The following RNPS1 variants were observed in gnomAD, a reference collection of about 807,000 sequenced individuals.
The protein encoded by RNPS1 is RNA binding protein with serine rich domain 1.
For missense variants in RNPS1, 300 were observed against 427.6 expected (o/e 0.70, Z 2.63); for synonymous variants, 147 against 150.0 (o/e 0.98, Z 0.15).
chr16:2,254,931 A>T (rs1330771324), intron 7 of RNPS1, among the ~76,000 whole-genome samples: 1 of 151,456 alleles, frequency 6.6e-6, no homozygotes, highest in East Asian at 2.0e-4. Context: ...TTTAGTAGAG[A>T]CAAGGTTTCA....
rs2093618238 is a variant in RNPS1 at position 2,264,756 on chromosome 16, G to A, written c.-113C>T. ...AATCGATTGCAATTTACGCCAAAGA[G>A]CAGCCTAATAACAAGATAAAAGGGT... On this transcript the variant is annotated 5_prime_UTR_variant, in exon 2 of 8. Transcript: ENST00000320225. 1.9e-6 allele frequency: 3 copies of A among 1,554,394 alleles called. No individual in the cohort carries two copies. Among genetic ancestry groups the A allele is most frequent in the Non-Finnish European group, 2.6e-6 (3 of 1,158,174 alleles).
chr16:2,255,251 C>T (rs534743295), intron 7 of RNPS1, among the ~76,000 whole-genome samples: 29 of 152,220 alleles, frequency 1.9e-4, no homozygotes, highest in Non-Finnish European at 2.2e-4. Context: ...ACTCTTCTGA[C>T]CCCCAACTTC....
chr16:2,257,623 GCTCAGCAAGCA>G (rs1567322449), intron 6 of RNPS1: 1 of 152,046 alleles, frequency 6.6e-6, no homozygotes, highest in African/African-American at 2.4e-5. Context: ...TGGGTTTTTA[GCTCAGCAAGCA>G]CTCAGACTGT....
rs775852396 is a variant in RNPS1 at position 2,264,349 on chromosome 16, G to A, written c.72-18C>T. ...AAGGAGCCCTGGATGGTGAGGAAGA[G>A]TGTGAGATTGCGTGCTCCTCTGACC... On this transcript the variant is annotated intron_variant, in intron 2 of 7. Transcript: ENST00000320225. 5 of 1,614,104 alleles carry A rather than the reference G, an allele frequency of 3.1e-6. No homozygotes were observed. In the Admixed American group the frequency reaches 6.7e-5, roughly 22 times the overall value.
rs546961734 is a variant in RNPS1 at position 2,254,450 on chromosome 16, C to T, written c.819-387G>A. ...CTGGGACTACAGGCACACGCCACCA[C>T]GCACAGCTAATTTTGTTTTGTTTTT... is the stretch of plus-strand genomic sequence containing the variant. On this transcript the variant is annotated intron_variant, in intron 7 of 7. Coordinates refer to ENST00000320225, the MANE Select transcript of RNPS1 (RefSeq NM_080594.4). Among the ~76,000 whole-genome samples the T allele has an allele frequency of 4.6e-5, 7 of 152,264 alleles. No individual in the cohort carries two copies. In the South Asian group the frequency reaches 1.2e-3, roughly 27 times the overall value.
chr16:2,262,476 T>C (rs372075001), intron 5 of RNPS1, 45 bp from the exon 6 acceptor site: 7 of 1,608,048 alleles, frequency 4.4e-6, no homozygotes, highest in Non-Finnish European at 4.3e-6. Context: ...TACCAGTCAG[T>C]CACGTCAGAC....
In RNPS1 at chr16:2,261,253, C is replaced by T. The variant is rs148853698; in HGVS notation, c.676+1025G>A. Reference sequence around the variant, plus strand: ...AAATCTAAGCTATGCTTTCCTCAAGCCCTGTAAACTGAAGACTAAACTTGG... The same window carrying T: ...AAATCTAAGCTATGCTTTCCTCAAGTCCTGTAAACTGAAGACTAAACTTGG... On this transcript the variant is annotated intron_variant, in intron 6 of 7. Coordinates refer to ENST00000320225, the MANE Select transcript of RNPS1 (RefSeq NM_080594.4). 1.0e-3 allele frequency among the ~76,000 whole-genome samples: 155 copies of T among 152,292 alleles called. 2 individuals carry two copies. Among genetic ancestry groups the T allele is most frequent in the African/African-American group, 3.6e-3 (150 of 41,558 alleles).
intron 6 of RNPS1, among the ~76,000 whole-genome samples, chr16:2,261,873 G>C (rs2093604362): frequency 6.6e-6 from 1 of 152,150 alleles, no homozygotes; most frequent in African/African-American, 2.4e-5. Context: ...TCCAGAGGAA[G>C]GTCTTCAAGA....
chr16:2,259,612 G>A (rs751878418), intron 6 of RNPS1, among the ~76,000 whole-genome samples: 8 of 152,206 alleles, frequency 5.3e-5, no homozygotes, highest in South Asian at 2.1e-4. Context: ...AAATAAGGCC[G>A]GGTGCAGTGG....
At chr16:2,266,664 C>T (rs1176120862) in intron 1 of RNPS1, 1 of 985,418 alleles carries the variant, frequency 1.0e-6, no homozygotes, top group Non-Finnish European at 1.2e-6. Context: ...GAACTCTCAG[C>T]TGGGTTCCTG....
Position 2,264,314 on chromosome 16 carries a change from T to C in RNPS1, c.89A>G (p.Lys30Arg), listed in dbSNP as rs1174791807. ...CTTCTCATCTGAGCGGTCTTTGCGT[T>C]TGGTAGGTGAAGGAGCCCTGGATGG... Reference protein sequence around the residue: ...KSSTRAPSPTKRKDRSDEKSK... With the variant: ...KSSTRAPSPTRRKDRSDEKSK... The change falls in exon 3 of 8, where the codon AAA becomes AGA. Residue 30 changes from lysine to arginine, a missense_variant. Transcript: ENST00000320225. 1.2e-6 allele frequency: 2 copies of C among 1,614,190 alleles called. No individual in the cohort carries two copies. Among genetic ancestry groups the C allele is most frequent in the African/African-American group, 1.3e-5 (1 of 75,036 alleles).
Position 2,254,160 on chromosome 16 carries a change from G to T in RNPS1, c.819-97C>A. The T allele has an allele frequency of 9.2e-6, 8 of 871,868 alleles. No individual in the cohort carries two copies. The South Asian group carries it at 1.5e-4, about 17-fold the overall frequency. 54.0% of individuals were successfully genotyped at this position (871,868 alleles called of 1,614,324 possible). A position where few individuals can be genotyped will look rare whatever the true frequency, so the allele number is the denominator to read the frequency against. ...TCCCCATAGTTTTACTTTTTGAGATGGAATATCACTCTGTCTCCAGGCCAG... is the reference window on the plus strand; with the variant it reads ...TCCCCATAGTTTTACTTTTTGAGATTGAATATCACTCTGTCTCCAGGCCAG... On this transcript the variant is annotated intron_variant, in intron 7 of 7. Transcript: ENST00000320225.
chr16:2,268,061 C>A lies in RNPS1; in HGVS notation c.-124G>T. 6.5e-7 allele frequency: 1 copy of A among 1,534,986 alleles called. No individual in the cohort carries two copies. ...GGATTCCGCCCCAACTTACATCTTC[C>A]CGCCGCCGCCACCTCCTCCTGCTTT... On this transcript the variant is annotated 5_prime_UTR_variant, in exon 1 of 8. Coordinates refer to ENST00000320225, the MANE Select transcript of RNPS1 (RefSeq NM_080594.4).
At chr16:2,267,930 C>T in intron 1 of RNPS1, 125 bp downstream of exon 1, 1 of 1,529,036 alleles carries the variant, frequency 6.5e-7, no homozygotes, top group Non-Finnish European at 8.7e-7. Flanking sequence ...TCGGAGCCCG[C>T]ACCGCGCTGC....
chr16:2,254,306 T>C (rs1326391220), intron 7 of RNPS1, among the ~76,000 whole-genome samples: 1 of 152,062 alleles, frequency 6.6e-6, no homozygotes, highest in Non-Finnish European at 1.5e-5. Flanking sequence ...CAGCTAATTT[T>C]TGTGTGTGTA....
intron 1 of RNPS1, 78 bp downstream of exon 1, chr16:2,267,977 C>T: frequency 6.5e-7 from 1 of 1,533,318 alleles, no homozygotes; most frequent in South Asian, 1.2e-5. Flanking sequence ...AGGAGTGGAC[C>T]GGCTTCACGA....
intron 3 of RNPS1, among the ~76,000 whole-genome samples, chr16:2,263,738 G>C (rs970107740): frequency 2.6e-5 from 4 of 151,884 alleles, no homozygotes; most frequent in African/African-American, 9.7e-5. Context: ...TCAGCCTCCC[G>C]AGTAGCTGGG....
chr16:2,254,740 CTTTTTTTT>C (rs11315814), intron 7 of RNPS1, among the ~76,000 whole-genome samples: 1 of 103,592 alleles, frequency 9.7e-6, no homozygotes, highest in Non-Finnish European at 2.0e-5. Context: ...AAAGTTTTAC[CTTTTTTTT>C]TTTTTTTTTT....
rs1333322305 is a variant in RNPS1, at chr16:2,259,454, ATTG to A, written c.676+2821_676+2823del. On this transcript the variant is annotated intron_variant, in intron 6 of 7. Coordinates refer to ENST00000320225, the MANE Select transcript of RNPS1 (RefSeq NM_080594.4). ...AAAACCTTTTTGTCATCCATAAACA[ATTG>A]TTGTCTTGTTTTAATCCTTTTTAGA... is the stretch of plus-strand genomic sequence containing the variant. Among the ~76,000 whole-genome samples the A allele has an allele frequency of 2.0e-5, 3 of 152,264 alleles. No individual in the cohort carries two copies. The East Asian group carries it at 5.8e-4, about 29-fold the overall frequency.
Sources: gnomAD v4.1 joint callset for allele counts (sites outside exome capture counted in the v4.1 genomes callset) on GRCh38, gnomAD v4.1.1 for gene constraint, MANE v1.5 for transcripts, NCBI Gene and HGNC (gene_info 2026-07-23, HGNC 2026-07-21) for gene names.